Variants in SLC14A2 observed in about 807,000 individuals in gnomAD.
The protein encoded by SLC14A2 is solute carrier family 14 member 2, also known as urea transporter 2.
SLC14A2 carries 91 observed loss-of-function variants against 104.6 expected under a neutral mutation model. That is an observed-to-expected ratio of 0.87 (90% CI 0.73 to 1.04). The LOEUF (loss-of-function observed/expected upper bound fraction) is 1.04, where lower values mean the gene tolerates loss of function less well. SLC14A2 is among the 50% of genes least tolerant of loss of function. The probability of loss-of-function intolerance (pLI) is 0.00; values close to 1 mark genes in which losing one functional copy is unlikely to be tolerated. For synonymous variants in SLC14A2, 476 were observed against 466.4 expected, an observed-to-expected ratio of 1.02 and a Z score of -0.27; for missense variants, 1,189 against 1,156.0, an observed-to-expected ratio of 1.03 and a Z score of -0.41.
intron 5 of SLC14A2, among the ~76,000 whole-genome samples, chr18:45,635,429 A>T (rs778666598): frequency 6.6e-6 from 1 of 152,242 alleles, no homozygotes; most frequent in Admixed American, 6.5e-5. Flanking sequence ...GCAAAAAGAA[A>T]ACTAAGAAAA....
At chr18:45,192,954 CA>C in the SLC14A2 span, among the ~76,000 whole-genome samples, 1 of 151,880 alleles carries the variant, frequency 6.6e-6, no homozygotes, top group Non-Finnish European at 1.5e-5. Context: ...CGGGCCTGGC[CA>C]GCAGGTAGTG....
At chr18:45,278,972 C>T (rs1009061004) in intron 1 of SLC14A2, among the ~76,000 whole-genome samples, 2 of 152,188 alleles carry the variant, frequency 1.3e-5, no homozygotes, top group African/African-American at 4.8e-5. Context: ...AAGTTTCTAT[C>T]TATCCATAGA....
At chr18:45,635,939 T>C (rs1006894739) in intron 5 of SLC14A2, among the ~76,000 whole-genome samples, 4 of 151,818 alleles carry the variant, frequency 2.6e-5, no homozygotes, top group African/African-American at 9.7e-5. Context: ...GAGAGGCAGA[T>C]TTTGTGGGAA....
At chr18:45,680,214 C>T (rs1180355469) in intron 19 of SLC14A2, among the ~76,000 whole-genome samples, 1 of 152,242 alleles carries the variant, frequency 6.6e-6, no homozygotes, top group African/African-American at 2.4e-5. Context: ...CATTCATCCA[C>T]TAAATCCGTG....
intron 10 of SLC14A2, among the ~76,000 whole-genome samples, chr18:45,661,322 T>C (rs2045933299): frequency 6.6e-6 from 1 of 152,264 alleles, no homozygotes; most frequent in Admixed American, 6.5e-5. Flanking sequence ...TTTGTTAAAC[T>C]GGAGTGCCTC....
chr18:45,305,118 G>A (rs2085005602), intron 1 of SLC14A2, among the ~76,000 whole-genome samples: 1 of 152,166 alleles, frequency 6.6e-6, no homozygotes, highest in South Asian at 2.1e-4. Flanking sequence ...AAAACTAATG[G>A]GATGGGGCTG....
At chr18:45,604,953 G>C (rs2044844640) in intron 2 of SLC14A2, among the ~76,000 whole-genome samples, 1 of 152,076 alleles carries the variant, frequency 6.6e-6, no homozygotes, top group Non-Finnish European at 1.5e-5. Context: ...AATTATTTGG[G>C]CTTCTATTAG....
intron 2 of SLC14A2, among the ~76,000 whole-genome samples, chr18:45,595,517 G>T (rs1418470360): frequency 6.6e-6 from 1 of 151,944 alleles, no homozygotes. Flanking sequence ...TAACCATTAA[G>T]TAAACTGGGG....
At position 45,648,195 on chromosome 18, in the gene SLC14A2, C is replaced by CTTT. The variant is rs59843067; in HGVS notation, c.1351+4061_1351+4063dup. On this transcript the variant is annotated intron_variant, in intron 10 of 19. Coordinates refer to ENST00000255226, the MANE Select transcript of SLC14A2 (RefSeq NM_007163.4). ...GTTACCCTCTTTATTCTAGTTAATGCTTTTTTTTTTTTTTTTTTTTTTTTT... is the reference window on the plus strand; with the variant it reads ...GTTACCCTCTTTATTCTAGTTAATGCTTTTTTTTTTTTTTTTTTTTTTTTTTTT... 1.7e-3 allele frequency among the ~76,000 whole-genome samples: 173 copies of CTTT among 101,214 alleles called. 13 individuals carry two copies. The highest frequency in any genetic ancestry group is 6.5e-3 in the African/African-American group (168 of 25,916). The allele number at this position is 101,214 out of a possible 152,430, so 66.4% of individuals were successfully genotyped here.
intron 1 of SLC14A2, among the ~76,000 whole-genome samples, chr18:45,436,208 G>T (rs2086594328): frequency 6.6e-6 from 1 of 152,174 alleles, no homozygotes; most frequent in Non-Finnish European, 1.5e-5. Context: ...CGTTGTTTAT[G>T]TTAAAAAGAA....
chr18:45,200,996 T>G, the SLC14A2 span, among the ~76,000 whole-genome samples: 1 of 152,156 alleles, frequency 6.6e-6, no homozygotes, highest in Non-Finnish European at 1.5e-5. Context: ...TAGGCTTCTC[T>G]TGGCTATGAC....
chr18:45,238,758 C>T (rs760383010), intron 1 of SLC14A2, among the ~76,000 whole-genome samples: 20 of 152,164 alleles, frequency 1.3e-4, no homozygotes, highest in South Asian at 2.1e-4. Flanking sequence ...GTACAACTAA[C>T]GGCAATGTTG....
At chr18:45,388,510 A>G (rs1356383644) in intron 1 of SLC14A2, among the ~76,000 whole-genome samples, 2 of 152,188 alleles carry the variant, frequency 1.3e-5, no homozygotes, top group Non-Finnish European at 2.9e-5. Context: ...CCATTCCTAG[A>G]TACCCTTCCT....
Position 45,230,500 on chromosome 18 carries a change from G to T in SLC14A2, c.-125+17309G>T, listed in dbSNP as rs145058453. Among the ~76,000 whole-genome samples, 209 of 152,236 alleles carry T rather than the reference G, an allele frequency of 1.4e-3. 1 individual carries two copies. The highest frequency in any genetic ancestry group is 4.7e-3 in the African/African-American group (197 of 41,552). ...TACCTCCCTCTCTGGTCACAGCCAG[G>T]AAAGATTTCTGTGAAGGAGCTGTGG... On this transcript the variant is annotated intron_variant, in intron 1 of 20. Coordinates refer to the SLC14A2 transcript ENST00000586448.
At chr18:45,214,521 A>T (rs1342421806) in intron 1 of SLC14A2, among the ~76,000 whole-genome samples, 3 of 152,166 alleles carry the variant, frequency 2.0e-5, no homozygotes, top group African/African-American at 7.2e-5. Flanking sequence ...TTGTAATGTT[A>T]CATTTTGTAT....
chr18:45,642,235 A>C (rs887498625), intron 8 of SLC14A2, among the ~76,000 whole-genome samples: 2 of 152,194 alleles, frequency 1.3e-5, no homozygotes, highest in Admixed American at 1.3e-4. Context: ...TTTCCCACTT[A>C]TGCTTGGAGA....
chr18:45,238,975 A>G (rs2084284075), intron 1 of SLC14A2, among the ~76,000 whole-genome samples: 1 of 152,238 alleles, frequency 6.6e-6, no homozygotes, highest in Non-Finnish European at 1.5e-5. Flanking sequence ...TAAAACAAAG[A>G]CACTATTAGC....
intron 1 of SLC14A2, among the ~76,000 whole-genome samples, chr18:45,325,079 T>C (rs2085221599): frequency 6.6e-6 from 1 of 152,202 alleles, no homozygotes; most frequent in Non-Finnish European, 1.5e-5. Context: ...CTCTTCATCA[T>C]TCAAGCTTGA....
At chr18:45,326,626 G>A (rs1043468179) in intron 1 of SLC14A2, among the ~76,000 whole-genome samples, 2 of 152,146 alleles carry the variant, frequency 1.3e-5, no homozygotes, top group African/African-American at 4.8e-5. Context: ...CCTTTTTGCA[G>A]ACCATTTTAC....
Sources: allele counts gnomAD v4.1 joint callset (sites outside exome capture counted in the v4.1 genomes callset), GRCh38; gene constraint gnomAD v4.1.1; transcripts MANE v1.5; gene names NCBI Gene and HGNC (gene_info 2026-07-23, HGNC 2026-07-21).